THSD7B: variants seen among roughly 807,000 people sequenced by gnomAD.
The protein encoded by THSD7B is thrombospondin type-1 domain-containing protein 7B.
Under a neutral mutation model 213.6 loss-of-function variants are expected in THSD7B, and 138 were observed. That is an observed-to-expected ratio of 0.65 (90% CI 0.56 to 0.74). The LOEUF is 0.74. Among genes scored for constraint, THSD7B ranks in the 30% least tolerant of loss-of-function variants. The pLI, the probability that THSD7B is intolerant of heterozygous loss-of-function variation, is 0.00. For synonymous variants in THSD7B, 742 were observed against 687.0 expected (o/e 1.08, Z -1.25); for missense variants, 1,931 against 1,991.5 (o/e 0.97, Z 0.58).
intron 2 of THSD7B, among the ~76,000 whole-genome samples, chr2:137,010,026 C>T (rs1025376019): frequency 3.9e-5 from 6 of 152,080 alleles, no homozygotes; most frequent in African/African-American, 1.4e-4. Flanking sequence ...GTAATTTTTC[C>T]TTCTTCTTCC....
At chr2:137,476,456 A>G (rs1424717503) in intron 15 of THSD7B, among the ~76,000 whole-genome samples, 1 of 151,848 alleles carries the variant, frequency 6.6e-6, no homozygotes, top group Non-Finnish European at 1.5e-5. Context: ...TTTTGGTTTT[A>G]TGTCTAAGTC....
At chr2:137,344,764 G>T (rs1198019284) in intron 12 of THSD7B, among the ~76,000 whole-genome samples, 1 of 151,592 alleles carries the variant, frequency 6.6e-6, no homozygotes, top group Non-Finnish European at 1.5e-5. Flanking sequence ...CATGATGATG[G>T]TCTAAGGGCA....
At chr2:137,095,243 C>T in intron 4 of THSD7B, 122 bp downstream of exon 4, 4 of 1,345,426 alleles carry the variant, frequency 3.0e-6, no homozygotes, top group Non-Finnish European at 4.0e-6. Flanking sequence ...TATACAAGTT[C>T]CATACTTGGC....
intron 4 of THSD7B, among the ~76,000 whole-genome samples, chr2:137,097,344 A>G (rs998169941): frequency 6.6e-6 from 1 of 152,200 alleles, no homozygotes; most frequent in Non-Finnish European, 1.5e-5. Flanking sequence ...TTTATCAAGT[A>G]CCTACTGTTG....
At chr2:137,662,495 C>A (rs966268466) in intron 25 of THSD7B, among the ~76,000 whole-genome samples, 1 of 152,074 alleles carries the variant, frequency 6.6e-6, no homozygotes, top group African/African-American at 2.4e-5. Context: ...GGTTGCCTGA[C>A]ATTCCTGGTG....
At position 137,133,715 on chromosome 2, in the gene THSD7B, T is replaced by C. The variant is rs966942052; in HGVS notation, c.1369+18422T>C. 3.3e-5 allele frequency among the ~76,000 whole-genome samples: 5 copies of C among 152,276 alleles called. No homozygotes were observed. The East Asian group carries it at 5.8e-4, about 18-fold the overall frequency. Reference sequence around the variant, plus strand: ...ATGAAAAATGCATAAAGAAGATAAATAGGTGAAATTAATTTTCCTAGTGTA... The same window carrying C: ...ATGAAAAATGCATAAAGAAGATAAACAGGTGAAATTAATTTTCCTAGTGTA... On this transcript the variant is annotated intron_variant, in intron 5 of 27. Coordinates refer to ENST00000409968, the MANE Select transcript of THSD7B (RefSeq NM_001316349.2).
At chr2:137,368,068 A>G (rs1685461335) in intron 12 of THSD7B, among the ~76,000 whole-genome samples, 1 of 152,086 alleles carries the variant, frequency 6.6e-6, no homozygotes. Flanking sequence ...ACTCAGGGCC[A>G]CTTTTCTTGA....
At chr2:136,917,762 C>T (rs551752009) in intron 2 of THSD7B, among the ~76,000 whole-genome samples, 2 of 152,304 alleles carry the variant, frequency 1.3e-5, no homozygotes, top group Non-Finnish European at 2.9e-5. Flanking sequence ...CTGGAGGACT[C>T]TTTATTTTCC....
At chr2:136,857,347 G>T (rs2104969134) in intron 1 of THSD7B, among the ~76,000 whole-genome samples, 1 of 152,288 alleles carries the variant, frequency 6.6e-6, no homozygotes, top group Non-Finnish European at 1.5e-5. Flanking sequence ...ATCCCACTGG[G>T]ACTGTGCACT....
chr2:137,274,011 T>A (rs911039969), intron 11 of THSD7B, among the ~76,000 whole-genome samples: 2 of 152,100 alleles, frequency 1.3e-5, no homozygotes, highest in African/African-American at 4.8e-5. Flanking sequence ...CTTTTTACTC[T>A]CCTATTGCAC....
intron 2 of THSD7B, among the ~76,000 whole-genome samples, chr2:136,903,604 G>A (rs1013481926): frequency 6.6e-6 from 1 of 152,080 alleles, no homozygotes; most frequent in Admixed American, 6.6e-5. Context: ...TTTATCCTGG[G>A]TGACAGAGGC....
chr2:137,052,972 G>A (rs964956243), intron 2 of THSD7B, among the ~76,000 whole-genome samples: 5 of 151,890 alleles, frequency 3.3e-5, no homozygotes, highest in African/African-American at 1.2e-4. Flanking sequence ...ATGTTTTTTG[G>A]TTGTCCTCAA....
At chr2:137,569,599 T>C (rs1048360539) in intron 16 of THSD7B, among the ~76,000 whole-genome samples, 1 of 152,140 alleles carries the variant, frequency 6.6e-6, no homozygotes, top group Admixed American at 6.5e-5. Flanking sequence ...CAGAGGTACT[T>C]GGTGCCATGA....
chr2:136,792,628 A>G (rs1681989196), intron 1 of THSD7B, among the ~76,000 whole-genome samples: 1 of 151,892 alleles, frequency 6.6e-6, no homozygotes, highest in African/African-American at 2.4e-5. Context: ...AGATGTGAGC[A>G]CTCTGTATTA....
rs1685950981 is a variant in THSD7B at position 137,388,780 on chromosome 2, CA to C, written c.2501-16832del. Among the ~76,000 whole-genome samples, 5 of 152,198 alleles carry C rather than the reference CA, an allele frequency of 3.3e-5. No individual in the cohort carries two copies. The South Asian group carries it at 1.0e-3, about 32-fold the overall frequency. On this transcript the variant is annotated intron_variant, in intron 12 of 27. Transcript: ENST00000409968. ...AGAAAATGCATTATTTGTCTTTCTG[CA>C]CCTGGCTTGTTTCACTTAACATAAT...
chr2:137,284,884 G>A (rs1683129098), intron 12 of THSD7B, among the ~76,000 whole-genome samples: 1 of 152,094 alleles, frequency 6.6e-6, no homozygotes, highest in Non-Finnish European at 1.5e-5. Flanking sequence ...CTGTTGATTT[G>A]GGGTGGAGAG....
chr2:137,573,262 A>G (rs754622420), intron 17 of THSD7B, among the ~76,000 whole-genome samples: 4 of 152,156 alleles, frequency 2.6e-5, no homozygotes, highest in Non-Finnish European at 5.9e-5. Context: ...GGGGATTAGG[A>G]ACAAATTATA....
intron 21 of THSD7B, among the ~76,000 whole-genome samples, chr2:137,652,328 C>G (rs925556004): frequency 6.6e-6 from 1 of 152,078 alleles, no homozygotes; most frequent in Admixed American, 6.6e-5. Flanking sequence ...TTTTTACAGT[C>G]TCTGATTTGT....
chr2:137,289,754 A>G (rs970208108), intron 12 of THSD7B, among the ~76,000 whole-genome samples: 2 of 152,042 alleles, frequency 1.3e-5, no homozygotes, highest in African/African-American at 4.8e-5. Flanking sequence ...CTCAGGGTTC[A>G]AAGAGTGATG....
Sources: allele counts gnomAD v4.1 joint callset (sites outside exome capture counted in the v4.1 genomes callset), GRCh38; gene constraint gnomAD v4.1.1; transcripts MANE v1.5; gene names NCBI Gene and HGNC (gene_info 2026-07-23, HGNC 2026-07-21).